LGALS4: variants seen among roughly 807,000 people sequenced by gnomAD.
The protein encoded by LGALS4 is galectin-4.
A neutral mutation model predicts 39.6 loss-of-function variants in LGALS4; 37 were observed. The observed-to-expected ratio is 0.93, with a 90% confidence interval of 0.72 to 1.23. LGALS4 has a LOEUF of 1.23. Among genes scored for constraint, LGALS4 ranks in the 50% most tolerant of loss-of-function variants. LGALS4 has a pLI of 0.00. For missense variants in LGALS4, 397 were observed against 433.2 expected (o/e 0.92, Z 0.74); for synonymous variants, 160 against 165.5 (o/e 0.97, Z 0.25).
chr19:38,802,826 C>T (rs540104856), intron 7 of LGALS4, among the ~76,000 whole-genome samples: 4 of 151,708 alleles, frequency 2.6e-5, no homozygotes, highest in Non-Finnish European at 4.4e-5. Flanking sequence ...TACAGGTGTG[C>T]GCCACCACAC....
chr19:38,811,435 C>A (rs1021456903), intron 2 of LGALS4, among the ~76,000 whole-genome samples: 42 of 151,768 alleles, frequency 2.8e-4, no homozygotes, highest in African/African-American at 1.0e-3. Flanking sequence ...GAGTTCAAGA[C>A]CAGCCTGGGC....
intron 6 of LGALS4, 51 bp downstream of exon 6, chr19:38,803,691 T>A: frequency 6.2e-7 from 1 of 1,604,896 alleles, no homozygotes; most frequent in Non-Finnish European, 8.5e-7. Flanking sequence ...CCTACCCCAA[T>A]TCTCACCATT....
chr19:38,810,207 G>C (rs1286032301), intron 2 of LGALS4, among the ~76,000 whole-genome samples: 1 of 152,084 alleles, frequency 6.6e-6, no homozygotes, highest in Non-Finnish European at 1.5e-5. Flanking sequence ...CTAGGCTGGA[G>C]TGCAGTGATG....
chr19:38,802,619 C>T lies in LGALS4; in HGVS notation c.571-215G>A, dbSNP rs143812403. Among the ~76,000 whole-genome samples the T allele has an allele frequency of 2.1e-3, 327 of 152,162 alleles. 2 individuals are homozygous for T. The highest frequency in any genetic ancestry group is 0.01 in the Middle Eastern group (3 of 294). ...AAGCAATCCTCCCATCTCAGCCTCC[C>T]GAAGTGCTGGGATTACAGGCGTGAG... On this transcript the variant is annotated intron_variant, in intron 7 of 9. Coordinates refer to ENST00000307751, the MANE Select transcript of LGALS4 (RefSeq NM_006149.4).
chr19:38,802,074 C>T lies in LGALS4; in HGVS notation c.743G>A (p.Arg248Gln), dbSNP rs772167637. The change falls in exon 9 of 10, where the codon CGG (arginine) becomes CAG (glutamine). Residue 248 changes from arginine (R) to glutamine (Q), a missense_variant. Transcript: ENST00000307751. ...NPRMGNGTVV[R>Q]NSLLNGSWGS... ...CCACGAGCCATTCAGAAGGCTGTTCCGGACCACGGTACCGTTGCCCATGCG... is the reference window on the plus strand; with the variant it reads ...CCACGAGCCATTCAGAAGGCTGTTCTGGACCACGGTACCGTTGCCCATGCG... 19 of 1,614,062 alleles carry T rather than the reference C, an allele frequency of 1.2e-5. No individual in the cohort carries two copies. The highest frequency in any genetic ancestry group is 9.9e-5 in the South Asian group (9 of 91,084).
chr19:38,809,479 AT>A (rs1029978688), intron 2 of LGALS4, among the ~76,000 whole-genome samples: 1 of 145,558 alleles, frequency 6.9e-6, no homozygotes, highest in Non-Finnish European at 1.5e-5. Context: ...CGTGCCTGAC[AT>A]TTTTTTTCTT....
intron 4 of LGALS4, among the ~76,000 whole-genome samples, chr19:38,804,671 C>T (rs1037461993): frequency 6.6e-6 from 1 of 151,994 alleles, no homozygotes; most frequent in Non-Finnish European, 1.5e-5. Context: ...TTAAAAGTAG[C>T]TTTATATAGC....
rs1317639279 is a variant in LGALS4, at chr19:38,801,908, C to T, written c.828G>A (p.Leu276=). Residue 276 remains leucine, a splice_region_variant and synonymous_variant, in exon 10 of 10, where the codon CTG becomes CTA. Coordinates refer to ENST00000307751, the MANE Select transcript of LGALS4 (RefSeq NM_006149.4). ...NPFGPGQFFD[L]SIRCGLDRFK... ...AGCGATCCAAGCCACAGCGAATGGACAGCTGCAGGGAGAAGGGTGGGCATG... is the reference window on the plus strand; with the variant it reads ...AGCGATCCAAGCCACAGCGAATGGATAGCTGCAGGGAGAAGGGTGGGCATG... 1 of 1,614,140 alleles carries T rather than the reference C, an allele frequency of 6.2e-7. No individual in the cohort carries two copies. The highest frequency in any genetic ancestry group is 1.1e-5 in the South Asian group (1 of 91,080).
rs1048261447 is a variant in LGALS4, at chr19:38,801,850, CAA to C, written c.884_885del (p.Phe295Ter). The C allele has an allele frequency of 3.1e-6, 5 of 1,614,040 alleles. No homozygotes were observed. The highest frequency in any genetic ancestry group is 1.1e-5 in the South Asian group (1 of 91,078). The part of the protein sequence containing the change: ...FKVYANGQHL[F>X]DFAHRLSAFQ... Reference sequence around the variant, plus strand: ...AAGGCCGAGAGGCGATGGGCAAAGTCAAAGAGGTGCTGGCCATTGGCGTAAAC... The same window carrying C: ...AAGGCCGAGAGGCGATGGGCAAAGTCAGAGGTGCTGGCCATTGGCGTAAAC... On this transcript the variant is annotated frameshift_variant, in exon 10 of 10. Coordinates refer to ENST00000307751, the MANE Select transcript of LGALS4 (RefSeq NM_006149.4). LOFTEE classifies it low-confidence loss of function (END_TRUNC).
chr19:38,812,625 T>C, intron 1 of LGALS4, 106 bp from the exon 2 acceptor site: 2 of 1,099,804 alleles, frequency 1.8e-6, no homozygotes, highest in Non-Finnish European at 1.4e-6. Context: ...GAGGAAACCA[T>C]GGGGGAGGAC....
In LGALS4 at chr19:38,802,353, T is replaced by C; in HGVS notation, c.622A>G (p.Ile208Val). Reference sequence around the variant, plus strand: ...GGAGGCACATAGCCCTTGATGATGATGGTTCTTCGAGCTGTGAGCCCTCCT... The same window carrying C: ...GGAGGCACATAGCCCTTGATGATGACGGTTCTTCGAGCTGTGAGCCCTCCT... ...LQGGLTARRT[I>V]IIKGYVPPTG... is the part of the protein sequence containing the mutation. Residue 208 changes from isoleucine (I) to valine (V), a missense_variant, in exon 8 of 10, where the codon ATC becomes GTC. Coordinates refer to ENST00000307751, the MANE Select transcript of LGALS4 (RefSeq NM_006149.4). 1 of 1,614,218 alleles carries C rather than the reference T, an allele frequency of 6.2e-7. No homozygotes were observed. The highest frequency in any genetic ancestry group is 8.5e-7 in the Non-Finnish European group (1 of 1,180,032).
chr19:38,811,664 G>GA (rs879875281), intron 2 of LGALS4, among the ~76,000 whole-genome samples: 7 of 148,360 alleles, frequency 4.7e-5, no homozygotes, highest in Admixed American at 1.3e-4. Context: ...TATCTCTAAG[G>GA]AAAAAAAAAG....
At chr19:38,809,576 G>T (rs1014164533) in intron 2 of LGALS4, among the ~76,000 whole-genome samples, 4 of 145,762 alleles carry the variant, frequency 2.7e-5, no homozygotes, top group African/African-American at 7.7e-5. Flanking sequence ...CAACCTCCTG[G>T]GTCAACTGAT....
chr19:38,810,859 T>C (rs1353413454), intron 2 of LGALS4, among the ~76,000 whole-genome samples: 2 of 151,724 alleles, frequency 1.3e-5, no homozygotes, highest in Non-Finnish European at 2.9e-5. Context: ...CCTCATTTTC[T>C]TCATAGCACT....
At chr19:38,805,208 T>TAATAAAAAA (rs143505798) in intron 4 of LGALS4, among the ~76,000 whole-genome samples, 63 of 148,256 alleles carry the variant, frequency 4.2e-4, no homozygotes, top group African/African-American at 1.4e-3. Flanking sequence ...ATAATAATAA[T>TAATAAAAAA]ATTGATAAAC....
chr19:38,803,659 G>C, intron 6 of LGALS4, 83 bp downstream of exon 6: 1 of 1,594,848 alleles, frequency 6.3e-7, no homozygotes, highest in Non-Finnish European at 8.6e-7. Context: ...TACACCTTGG[G>C]CTGCAACCCC....
intron 3 of LGALS4, among the ~76,000 whole-genome samples, chr19:38,806,946 CA>C (rs34812797): frequency 0.41 from 50,613 of 123,682 alleles, 10,041 homozygotes; most frequent in African/African-American, 0.6. Context: ...GACTCTGTCT[CA>C]AAAAAAAAAA....
chr19:38,807,305 G>A (rs1971434086), intron 3 of LGALS4, among the ~76,000 whole-genome samples: 1 of 151,856 alleles, frequency 6.6e-6, no homozygotes. Flanking sequence ...GGAGGTTGAG[G>A]CTGTAGTGAG....
Position 38,802,391 on chromosome 19 carries a change from A to G in LGALS4, c.584T>C (p.Phe195Ser), listed in dbSNP as rs1304275432. 7 of 1,614,050 alleles carry G rather than the reference A, an allele frequency of 4.3e-6. No individual in the cohort carries two copies. The Admixed American group carries it at 8.3e-5, about 19-fold the overall frequency. Reference sequence around the variant, plus strand: ...TGTGAGCCCTCCTTGCAGCCTCCCGAAATATGGCACAGGCTGTGGGAAGAG... The same window carrying G: ...TGTGAGCCCTCCTTGCAGCCTCCCGGAATATGGCACAGGCTGTGGGAAGAG... ...PPTFNPPVPY[F>S]GRLQGGLTAR... Residue 195 changes from phenylalanine (F) to serine (S), a missense_variant, in exon 8 of 10, where the codon TTC becomes TCC. Phe to Ser is a radical substitution (Grantham distance 155). Coordinates refer to ENST00000307751, the MANE Select transcript of LGALS4 (RefSeq NM_006149.4).
Sources: allele counts gnomAD v4.1 joint callset (sites outside exome capture counted in the v4.1 genomes callset), GRCh38; gene constraint gnomAD v4.1.1; transcripts MANE v1.5; gene names NCBI Gene and HGNC (gene_info 2026-07-23, HGNC 2026-07-21).